MAP7: variants seen among roughly 807,000 people sequenced by gnomAD.
MAP7 encodes ensconsin.
A neutral mutation model predicts 94.8 loss-of-function variants in MAP7; 52 were observed. The observed-to-expected ratio is 0.55, with a 90% CI of 0.44 to 0.69. The LOEUF (loss-of-function observed/expected upper bound fraction) is 0.69. MAP7 is among the 30% of genes least tolerant of loss of function. MAP7 has a pLI of 0.00. For synonymous variants in MAP7, 350 were observed against 357.0 expected (o/e 0.98, Z 0.22); for missense variants, 940 against 964.6 (o/e 0.97, Z 0.34).
Position 136,362,631 on chromosome 6 carries a change from G to A in MAP7, c.1345C>T (p.Pro449Ser). 1 of 1,612,526 alleles carries A rather than the reference G, an allele frequency of 6.2e-7. No individual in the cohort carries two copies. The highest frequency in any genetic ancestry group is 8.5e-7 in the Non-Finnish European group (1 of 1,179,310). ...GGGGCTGAGACCATGGCTGGGGTGG[G>A]GACCGGGGCTGGAGCTGGGGCCGAG... ...PASAPAPAPV[P>S]TPAMVSAPSS... is the part of the protein sequence containing the mutation. Residue 449 changes from proline (P) to serine (S), a missense_variant, in exon 11 of 18, where the codon CCC becomes TCC. Physicochemically the swap from Pro to Ser is moderately conservative, Grantham distance 74. Coordinates refer to ENST00000354570, the MANE Select transcript of MAP7 (RefSeq NM_003980.6).
intron 1 of MAP7, among the ~76,000 whole-genome samples, chr6:136,503,243 T>C (rs1820328980): frequency 6.6e-6 from 1 of 152,162 alleles, no homozygotes; most frequent in South Asian, 2.1e-4. Flanking sequence ...CAACTTAACT[T>C]TTTATGTACT....
chr6:136,422,299 A>G (rs1179859541), intron 1 of MAP7, among the ~76,000 whole-genome samples: 3 of 152,236 alleles, frequency 2.0e-5, no homozygotes, highest in African/African-American at 4.8e-5. Context: ...AGACCATGGA[A>G]ATCGAAAAGA....
intron 1 of MAP7, among the ~76,000 whole-genome samples, chr6:136,517,660 C>T (rs1825250590): frequency 6.6e-6 from 1 of 152,148 alleles, no homozygotes; most frequent in Non-Finnish European, 1.5e-5. Flanking sequence ...GTGCATATTT[C>T]CATATGTAGC....
At chr6:136,367,768 T>G (rs1794689961) in intron 8 of MAP7, among the ~76,000 whole-genome samples, 1 of 152,186 alleles carries the variant, frequency 6.6e-6, no homozygotes, top group South Asian at 2.1e-4. Context: ...GCTGTGGGCT[T>G]TGGGTATCAA....
At chr6:136,539,240 C>T (rs1829123988) in intron 1 of MAP7, among the ~76,000 whole-genome samples, 1 of 152,080 alleles carries the variant, frequency 6.6e-6, no homozygotes, top group Non-Finnish European at 1.5e-5. Flanking sequence ...ACGATATTAC[C>T]AATACCCTAT....
chr6:136,522,733 T>C (rs1202562471), intron 1 of MAP7, among the ~76,000 whole-genome samples: 1 of 152,160 alleles, frequency 6.6e-6, no homozygotes, highest in Non-Finnish European at 1.5e-5. Context: ...GAATACTTAA[T>C]TTAGAAAATA....
intron 1 of MAP7, among the ~76,000 whole-genome samples, chr6:136,483,508 A>G (rs1813604177): frequency 6.6e-6 from 1 of 152,164 alleles, no homozygotes; most frequent in Non-Finnish European, 1.5e-5. Context: ...CTTGATATAA[A>G]AGTATTTTAC....
intron 1 of MAP7, among the ~76,000 whole-genome samples, chr6:136,487,397 A>G (rs1419921085): frequency 6.6e-6 from 1 of 152,224 alleles, no homozygotes; most frequent in African/African-American, 2.4e-5. Context: ...ATTTAGAAAC[A>G]ATTTAAATTT....
At position 136,344,242 on chromosome 6, in the gene MAP7, C is replaced by G; in HGVS notation, c.2240-4G>C. On this transcript the variant is annotated splice_region_variant and splice_polypyrimidine_tract_variant and intron_variant, in intron 17 of 17. Transcript: ENST00000354570. The stretch of plus-strand genomic sequence containing the variant: ...AGAAGAAACACTCATATAACTTCTA[C>G]ATGAAGAGACAGAAAAAGAACAAGA... The G allele has an allele frequency of 7.6e-7, 1 of 1,321,754 alleles. No individual in the cohort carries two copies. The highest frequency in any genetic ancestry group is 2.8e-5 in the Admixed American group (1 of 36,210). The allele number at this position is 1,321,754 out of a possible 1,614,324, so 81.9% of individuals were successfully genotyped here. A position where few individuals can be genotyped will look rare whatever the true frequency, so the allele number is the denominator to read the frequency against.
intron 1 of MAP7, chr6:136,525,742 C>G: frequency 1.4e-6 from 2 of 1,381,866 alleles, no homozygotes; most frequent in South Asian, 1.5e-5. Context: ...GGAGCATGCA[C>G]GAGCAGCACA....
chr6:136,507,083 T>C (rs1195821316), intron 1 of MAP7, among the ~76,000 whole-genome samples: 1 of 152,114 alleles, frequency 6.6e-6, no homozygotes, highest in East Asian at 1.9e-4. Context: ...GAATCGTTTC[T>C]GTTTTTTTGC....
chr6:136,461,490 T>G (rs1261418066), intron 1 of MAP7, among the ~76,000 whole-genome samples: 1 of 152,226 alleles, frequency 6.6e-6, no homozygotes, highest in Non-Finnish European at 1.5e-5. Context: ...TTGTTAATAT[T>G]AGATCAAGTA....
At chr6:136,346,851 C>T (rs750579537) in intron 16 of MAP7, among the ~76,000 whole-genome samples, 1 of 152,162 alleles carries the variant, frequency 6.6e-6, no homozygotes, top group Non-Finnish European at 1.5e-5. Context: ...TGCACGATCT[C>T]TTAATCTCTG....
intron 1 of MAP7, among the ~76,000 whole-genome samples, chr6:136,476,574 G>A (rs1202051039): frequency 1.3e-5 from 2 of 152,130 alleles, no homozygotes; most frequent in Non-Finnish European, 2.9e-5. Context: ...CATAGAAAAA[G>A]TTGGAATAGA....
intron 3 of MAP7, among the ~76,000 whole-genome samples, chr6:136,392,463 T>G (rs956181274): frequency 6.8e-6 from 1 of 147,926 alleles, no homozygotes; most frequent in African/African-American, 2.5e-5. Context: ...AACATGAATC[T>G]AAGAGTCTTT....
At chr6:136,526,199 C>T in intron 1 of MAP7, 1 of 1,245,100 alleles carries the variant, frequency 8.0e-7, no homozygotes. Flanking sequence ...CCTCCCCTAC[C>T]AGCCCCCTCC....
At position 136,364,408 on chromosome 6, in the gene MAP7, G is replaced by C. The variant is rs375463275; in HGVS notation, c.1273+1327C>G. 2.3e-3 allele frequency: 781 copies of C among 346,230 alleles called. 25 individuals carry two copies. Among genetic ancestry groups the C allele is most frequent in the South Asian group, 0.019 (764 of 40,508 alleles). 21.4% of individuals were successfully genotyped at this position (346,230 alleles called of 1,614,324 possible). ...GCTGAGGAGAAGAAATAGAAGCAAAGAAAAGAGAGTCTGAGGAGTCCAAGG... is the reference window on the plus strand; with the variant it reads ...GCTGAGGAGAAGAAATAGAAGCAAACAAAAGAGAGTCTGAGGAGTCCAAGG... On this transcript the variant is annotated intron_variant, in intron 10 of 17. Transcript: ENST00000354570.
chr6:136,402,938 A>G (rs868338489), intron 3 of MAP7, among the ~76,000 whole-genome samples: 1,523 of 139,486 alleles, frequency 0.011, 36 homozygotes, highest in Admixed American at 0.026. Context: ...AAAAAAAAAA[A>G]AAAGAAAGAA....
chr6:136,408,176 G>A (rs1308202679), intron 3 of MAP7, among the ~76,000 whole-genome samples: 1 of 151,934 alleles, frequency 6.6e-6, no homozygotes, highest in Non-Finnish European at 1.5e-5. Context: ...GAGTTTGAGG[G>A]GATAGAATCA....
Sources: allele counts gnomAD v4.1 joint callset (sites outside exome capture counted in the v4.1 genomes callset), GRCh38; gene constraint gnomAD v4.1.1; transcripts MANE v1.5; gene names NCBI Gene and HGNC (gene_info 2026-07-23, HGNC 2026-07-21).